Variants in PPP1R12B observed in about 807,000 individuals in gnomAD.
PPP1R12B encodes the protein myosin phosphatase target subunit 2.
In PPP1R12B, 76 loss-of-function variants were observed where a neutral mutation model predicts 126.1. The ratio of observed to expected loss-of-function variants is 0.60; its 90% CI spans 0.50 to 0.73. The LOEUF is 0.73. Among genes scored for constraint, PPP1R12B ranks in the 30% least tolerant of loss-of-function variants. The pLI is 0.00. For synonymous variants in PPP1R12B, 356 were observed against 434.7 expected (o/e 0.82, Z 2.25); for missense variants, 1,052 against 1,205.1 (o/e 0.87, Z 1.88).
At chr1:202,418,177 T>C (rs1325480913) in intron 2 of PPP1R12B, among the ~76,000 whole-genome samples, 1 of 152,276 alleles carries the variant, frequency 6.6e-6, no homozygotes, top group Non-Finnish European at 1.5e-5. Flanking sequence ...AGGGCTCTTA[T>C]TCTTAGTCTT....
At chr1:202,370,201 A>T (rs1189592729) in intron 1 of PPP1R12B, 1 of 184,144 alleles carries the variant, frequency 5.4e-6, no homozygotes, top group African/African-American at 2.4e-5. Flanking sequence ...GAAGCCGGAC[A>T]TCCCACTCTT....
rs971406516 is a variant in PPP1R12B at position 202,582,947 on chromosome 1, T to G, written c.*2387T>G. On this transcript the variant is annotated 3_prime_UTR_variant, in exon 24 of 24. Transcript: ENST00000608999. The stretch of plus-strand genomic sequence containing the variant: ...ATTACAGAACAGGAGATATGTTTCC[T>G]CTGACAAAACCCCATTTTTAGAGTG... The G allele has an allele frequency of 6.6e-6, 1 of 152,202 alleles. No homozygotes were observed. The highest frequency in any genetic ancestry group is 2.4e-5 in the African/African-American group (1 of 41,450). The allele number at this position is 152,202 out of a possible 1,614,324, so 9.4% of individuals were successfully genotyped here. A position where few individuals can be genotyped will look rare whatever the true frequency, so the allele number is the denominator to read the frequency against.
At chr1:202,447,776 G>A (rs1230233369) in intron 12 of PPP1R12B, among the ~76,000 whole-genome samples, 1 of 152,184 alleles carries the variant, frequency 6.6e-6, no homozygotes, top group Non-Finnish European at 1.5e-5. Flanking sequence ...GTTTGGTTAA[G>A]TGTAATTTTT....
At chr1:202,437,044 A>G (rs1487376933) in intron 9 of PPP1R12B, among the ~76,000 whole-genome samples, 1 of 152,158 alleles carries the variant, frequency 6.6e-6, no homozygotes, top group East Asian at 1.9e-4. Flanking sequence ...AAATTAGCTC[A>G]TTCCTGGCAG....
chr1:202,427,844 G>C (rs1472378797), intron 5 of PPP1R12B, among the ~76,000 whole-genome samples: 3 of 151,964 alleles, frequency 2.0e-5, no homozygotes, highest in Admixed American at 2.0e-4. Flanking sequence ...TAGAGATGGG[G>C]TTTCACTGTG....
chr1:202,459,051 G>A (rs534926216), intron 13 of PPP1R12B, among the ~76,000 whole-genome samples: 82 of 152,290 alleles, frequency 5.4e-4, no homozygotes, highest in African/African-American at 2.0e-3. Context: ...GGATAAGTGG[G>A]TATGTGCATA....
At chr1:202,386,009 C>T (rs557615409) in intron 1 of PPP1R12B, among the ~76,000 whole-genome samples, 1 of 151,750 alleles carries the variant, frequency 6.6e-6, no homozygotes, top group Non-Finnish European at 1.5e-5. Context: ...TCTTGGCTCA[C>T]TGCAAGCTCC....
chr1:202,430,262 T>C (rs189924361), intron 6 of PPP1R12B, among the ~76,000 whole-genome samples: 1 of 152,358 alleles, frequency 6.6e-6, no homozygotes, highest in African/African-American at 2.4e-5. Context: ...ATCTTTGCCC[T>C]CTGCATAACT....
At chr1:202,376,414 A>T (rs1475705728) in intron 1 of PPP1R12B, among the ~76,000 whole-genome samples, 1 of 152,338 alleles carries the variant, frequency 6.6e-6, no homozygotes, top group South Asian at 2.1e-4. Flanking sequence ...TGCAACTGTT[A>T]GGAATAAGTG....
At chr1:202,404,315 C>T (rs2148573399) in intron 1 of PPP1R12B, among the ~76,000 whole-genome samples, 1 of 152,066 alleles carries the variant, frequency 6.6e-6, no homozygotes, top group East Asian at 1.9e-4. Context: ...ATGCATGCCC[C>T]CACCCCCTTT....
intron 1 of PPP1R12B, among the ~76,000 whole-genome samples, chr1:202,379,133 A>C (rs1661780454): frequency 6.6e-6 from 1 of 152,102 alleles, no homozygotes; most frequent in Non-Finnish European, 1.5e-5. Flanking sequence ...TGCCCATTAG[A>C]CATCTTGATG....
intron 1 of PPP1R12B, among the ~76,000 whole-genome samples, chr1:202,377,364 G>A (rs1201839993): frequency 4.0e-5 from 6 of 150,968 alleles, no homozygotes; most frequent in African/African-American, 1.2e-4. Context: ...GTTCAGTGGC[G>A]TGATCTCGAC....
rs1687659951 is a variant in PPP1R12B at position 202,562,773 on chromosome 1, C to T, written c.2508-5C>T. On this transcript the variant is annotated splice_polypyrimidine_tract_variant and splice_region_variant and intron_variant, in intron 19 of 23. Transcript: ENST00000608999. The stretch of plus-strand genomic sequence containing the variant: ...AATTTTTATCTTTAATATTATCTCC[C>T]ACAGGTTGGAATCGGGAGGTAGTAA... 5.0e-6 allele frequency: 8 copies of T among 1,609,708 alleles called. No individual in the cohort carries two copies. The East Asian group carries it at 1.1e-4, about 22-fold the overall frequency.
intron 13 of PPP1R12B, among the ~76,000 whole-genome samples, chr1:202,456,334 G>T (rs930501697): frequency 1.2e-4 from 18 of 152,156 alleles, no homozygotes; most frequent in South Asian, 4.2e-4. Flanking sequence ...CGTTTAGGAG[G>T]ATAATTCCGA....
chr1:202,584,940 C>G lies in PPP1R12B; in HGVS notation c.*4380C>G, dbSNP rs1689732316. The G allele has an allele frequency of 6.6e-6, 1 of 152,226 alleles. No homozygotes were observed. The highest frequency in any genetic ancestry group is 6.5e-5 in the Admixed American group (1 of 15,286). 9.4% of individuals were successfully genotyped at this position (152,226 alleles called of 1,614,324 possible). ...ACCCCATTGTTTATGCCAGCACTGACCGCACTTTAAGCACACACTTACCAA... is the reference window on the plus strand; with the variant it reads ...ACCCCATTGTTTATGCCAGCACTGAGCGCACTTTAAGCACACACTTACCAA... On this transcript the variant is annotated 3_prime_UTR_variant, in exon 24 of 24. Transcript: ENST00000608999.
intron 19 of PPP1R12B, among the ~76,000 whole-genome samples, chr1:202,561,428 G>A (rs890416845): frequency 2.0e-5 from 3 of 150,690 alleles, no homozygotes; most frequent in Non-Finnish European, 4.4e-5. Flanking sequence ...TTACTTAGAT[G>A]GCAAGATGTC....
chr1:202,487,860 G>A (rs1233438802), intron 13 of PPP1R12B, among the ~76,000 whole-genome samples: 3 of 152,060 alleles, frequency 2.0e-5, no homozygotes, highest in Admixed American at 6.6e-5. Context: ...CTCCCACCAT[G>A]GCCTCCCAAA....
chr1:202,514,136 G>A (rs1681843563), intron 18 of PPP1R12B, among the ~76,000 whole-genome samples: 1 of 151,978 alleles, frequency 6.6e-6, no homozygotes, highest in Non-Finnish European at 1.5e-5. Flanking sequence ...TCTGACTGGT[G>A]TGAGATGGTA....
rs367743952 is a variant in PPP1R12B, at chr1:202,396,954, A to C, written c.292-19833A>C. ...TCTTTATTTTGGAGCCTTTCTCTTT[A>C]ATCTCACGCTATCCAACCTTATTCG... On this transcript the variant is annotated intron_variant, in intron 1 of 23. Coordinates refer to ENST00000608999, the MANE Select transcript of PPP1R12B (RefSeq NM_002481.4). 1.6e-4 allele frequency among the ~76,000 whole-genome samples: 24 copies of C among 152,238 alleles called. No individual in the cohort carries two copies. The East Asian group carries it at 4.6e-3, about 29-fold the overall frequency.
Sources: gnomAD v4.1 joint callset for allele counts (sites outside exome capture counted in the v4.1 genomes callset) on GRCh38, gnomAD v4.1.1 for gene constraint, MANE v1.5 for transcripts, NCBI Gene and HGNC (gene_info 2026-07-23, HGNC 2026-07-21) for gene names.